The following PCDHGA12 variants were observed in gnomAD, a reference collection of about 807,000 sequenced individuals.
PCDHGA12 encodes the protein protocadherin gamma subfamily A, 12, also known as protocadherin gamma-A12.
A neutral mutation model predicts 61.1 loss-of-function variants in PCDHGA12; 43 were observed. That is an observed-to-expected ratio of 0.70 (90% CI 0.55 to 0.91). The LOEUF is 0.91. PCDHGA12 is among the 40% of genes least tolerant of loss of function. PCDHGA12 has a pLI of 0.00. For synonymous variants in PCDHGA12, 520 were observed against 542.9 expected, an observed-to-expected ratio of 0.96 and a Z score of 0.59; for missense variants, 1,236 against 1,227.7, an observed-to-expected ratio of 1.01 and a Z score of -0.10.
rs2099068970 is a variant in PCDHGA12 at position 141,463,759 on chromosome 5, T to C, written c.2424+30576T>C. 2.0e-5 allele frequency among the ~76,000 whole-genome samples: 3 copies of C among 152,234 alleles called. No homozygotes were observed. The South Asian group carries it at 6.2e-4, about 32-fold the overall frequency. ...CCGCGCCCGGCCTGCTTCTCTTCTCTTATGGGTTAGAATCCTGCACTGTCT... is the reference window on the plus strand; with the variant it reads ...CCGCGCCCGGCCTGCTTCTCTTCTCCTATGGGTTAGAATCCTGCACTGTCT... On this transcript the variant is annotated intron_variant, in intron 1 of 3. Transcript: ENST00000252085.
chr5:141,505,348 G>C, intron 2 of PCDHGA12, 45 bp from the exon 3 acceptor site: 1 of 1,613,358 alleles, frequency 6.2e-7, no homozygotes, highest in Non-Finnish European at 8.5e-7. Flanking sequence ...GGCATGAGCT[G>C]TGCCGGCCTG....
chr5:141,496,980 G>T (rs186715298), intron 2 of PCDHGA12, among the ~76,000 whole-genome samples: 1 of 151,974 alleles, frequency 6.6e-6, no homozygotes, highest in Admixed American at 6.6e-5. Flanking sequence ...GAGGTCAGGG[G>T]TTTGAGACCA....
At chr5:141,443,448 T>C (rs1205977008) in intron 1 of PCDHGA12, among the ~76,000 whole-genome samples, 1 of 152,210 alleles carries the variant, frequency 6.6e-6, no homozygotes, top group African/African-American at 2.4e-5. Context: ...GTTGCGCTCC[T>C]GTACTCCAGT....
intron 1 of PCDHGA12, among the ~76,000 whole-genome samples, chr5:141,447,728 A>G (rs2098549955): frequency 6.6e-6 from 1 of 152,204 alleles, no homozygotes; most frequent in Non-Finnish European, 1.5e-5. Flanking sequence ...TCCAAAACTC[A>G]TTGAACTTAA....
intron 2 of PCDHGA12, 99 bp downstream of exon 2, chr5:141,494,964 G>A (rs2099757882): frequency 1.3e-6 from 2 of 1,594,380 alleles, no homozygotes; most frequent in Non-Finnish European, 8.5e-7. Context: ...GCTACAGATG[G>A]CTTCTCCCTC....
Position 141,489,088 on chromosome 5 carries a change from G to GCCA in PCDHGA12, c.2425-5719_2425-5718insCCA. ...CCCCTGCCCACCCCCGCCACTCGGTGACTAAGAACTGCTGCAAGCAGGCAA... is the reference window on the plus strand; with the variant it reads ...CCCCTGCCCACCCCCGCCACTCGGTGCCAACTAAGAACTGCTGCAAGCAGGCAA... On this transcript the variant is annotated intron_variant, in intron 1 of 3. Coordinates refer to ENST00000252085, the MANE Select transcript of PCDHGA12 (RefSeq NM_003735.3). This position sits in a 1 kb window ranked among gnomAD's most constrained non-coding sequence, Gnocchi z 4.5. The GCCA allele has an allele frequency of 2.9e-6, 1 of 347,238 alleles. No individual in the cohort carries two copies. 21.5% of individuals were successfully genotyped at this position (347,238 alleles called of 1,614,324 possible). A position where few individuals can be genotyped will look rare whatever the true frequency, so the allele number is the denominator to read the frequency against.
rs751560177 is a variant in PCDHGA12 at position 141,432,962 on chromosome 5, G to T, written c.2203G>T (p.Ala735Ser). 7 of 1,614,092 alleles carry T rather than the reference G, an allele frequency of 4.3e-6. No individual in the cohort carries two copies. The highest frequency in any genetic ancestry group is 5.9e-6 in the Non-Finnish European group (7 of 1,180,046). Reference sequence around the variant, plus strand: ...GGCTTCAGGAGGCGGCTTGACAGGAGCGCCGGCGTCGCACTTTGTGGGCGT... The same window carrying T: ...GGCTTCAGGAGGCGGCTTGACAGGATCGCCGGCGTCGCACTTTGTGGGCGT... ...LQASGGGLTG[A>S]PASHFVGVDG... The change falls in exon 1 of 4, where the codon GCG becomes TCG. Residue 735 changes from alanine (A) to serine (S), a missense_variant. Physicochemically the swap from Ala to Ser is moderately conservative, Grantham distance 99. Transcript: ENST00000252085. The surrounding 1 kb of genome is among the most constrained non-coding windows in gnomAD (Gnocchi z 6.0).
intron 2 of PCDHGA12, among the ~76,000 whole-genome samples, chr5:141,502,537 G>A (rs900570745): frequency 2.0e-5 from 3 of 152,042 alleles, no homozygotes; most frequent in Admixed American, 6.6e-5. Context: ...GTTTGTTCGT[G>A]TGGTAAAAAC....
rs764070772 is a variant in PCDHGA12, at chr5:141,476,415, C to T, written c.2425-18392C>T. ...CTGGATCGAGAGGAGCTGTGTGGGACACTGCCCTCTTGCACTGTAACTCTG... is the reference window on the plus strand; with the variant it reads ...CTGGATCGAGAGGAGCTGTGTGGGATACTGCCCTCTTGCACTGTAACTCTG... On this transcript the variant is annotated intron_variant, in intron 1 of 3. Transcript: ENST00000252085. This position sits in a 1 kb window ranked among gnomAD's most constrained non-coding sequence, Gnocchi z 7.6. 2.5e-6 allele frequency: 4 copies of T among 1,614,098 alleles called. No homozygotes were observed. The South Asian group carries it at 4.4e-5, about 18-fold the overall frequency.
chr5:141,430,741 A>T lies in PCDHGA12; in HGVS notation c.-19A>T, dbSNP rs370226249. On this transcript the variant is annotated 5_prime_UTR_variant, in exon 1 of 4. Transcript: ENST00000252085. ...GTGGTTAAGGGCAGAATTGAAAATA[A>T]TTCTGGAGGAAGATAAGAATGATTC... 6.7e-6 allele frequency: 10 copies of T among 1,498,900 alleles called. No homozygotes were observed. Among genetic ancestry groups the T allele is most frequent in the Non-Finnish European group, 8.9e-6 (10 of 1,125,892 alleles). The allele number at this position is 1,498,900 out of a possible 1,614,324, so 92.9% of individuals were successfully genotyped here.
Position 141,487,315 on chromosome 5 carries a change from G to T in PCDHGA12, c.2425-7492G>T, listed in dbSNP as rs568326280. 11 of 1,614,166 alleles carry T rather than the reference G, an allele frequency of 6.8e-6. No individual in the cohort carries two copies. In the South Asian group the frequency reaches 1.2e-4, roughly 18 times the overall value. ...GCTCATTCGTGGCACTACTCTCTAA[G>T]TGTCTTCGTGGGGCAGCCTGTGGAG... On this transcript the variant is annotated intron_variant, in intron 1 of 3. Transcript: ENST00000252085. The surrounding 1 kb of genome is among the most constrained non-coding windows in gnomAD (Gnocchi z 5.0).
chr5:141,497,877 G>C (rs1057284578), intron 2 of PCDHGA12, among the ~76,000 whole-genome samples: 6 of 152,148 alleles, frequency 3.9e-5, no homozygotes, highest in Admixed American at 2.6e-4. Context: ...AGTGAAATAA[G>C]CGTTAGGATC....
chr5:141,486,030 C>A lies in PCDHGA12; in HGVS notation c.2425-8777C>A. The A allele has an allele frequency of 6.2e-7, 1 of 1,614,164 alleles. No homozygotes were observed. The highest frequency in any genetic ancestry group is 8.5e-7 in the Non-Finnish European group (1 of 1,180,012). ...ACCTTTTATTTCAGTGGTCATACCC[C>A]TGATCGTGTAAGAAACCTCTTTAGC... On this transcript the variant is annotated intron_variant, in intron 1 of 3. Coordinates refer to ENST00000252085, the MANE Select transcript of PCDHGA12 (RefSeq NM_003735.3). The surrounding 1 kb of genome is among the most constrained non-coding windows in gnomAD (Gnocchi z 5.0).
At chr5:141,473,470 A>G (rs555568617) in intron 1 of PCDHGA12, among the ~76,000 whole-genome samples, 2 of 151,816 alleles carry the variant, frequency 1.3e-5, no homozygotes, top group South Asian at 4.2e-4. Flanking sequence ...AGTTGTGCCA[A>G]GTTCAATGGA....
At chr5:141,507,798 GCCCT>G (rs2099863561) in intron 3 of PCDHGA12, among the ~76,000 whole-genome samples, 1 of 152,188 alleles carries the variant, frequency 6.6e-6, no homozygotes, top group Admixed American at 6.5e-5. Context: ...CTAAGCCTGC[GCCCT>G]GGGGAACGGA....
intron 1 of PCDHGA12, among the ~76,000 whole-genome samples, chr5:141,461,978 C>T (rs888687367): frequency 2.6e-5 from 4 of 152,216 alleles, no homozygotes; most frequent in African/African-American, 9.6e-5. Flanking sequence ...CATATGCCAC[C>T]ACGCCAGGCT....
intron 1 of PCDHGA12, among the ~76,000 whole-genome samples, chr5:141,443,772 C>T (rs1284723564): frequency 6.6e-6 from 1 of 151,568 alleles, no homozygotes; most frequent in Non-Finnish European, 1.5e-5. Context: ...TACAATATTA[C>T]CAAAAAGACA....
intron 1 of PCDHGA12, among the ~76,000 whole-genome samples, chr5:141,483,834 A>G (rs2154580001): frequency 6.6e-6 from 1 of 152,212 alleles, no homozygotes; most frequent in South Asian, 2.1e-4. Flanking sequence ...CTAGGTAAGG[A>G]CTTGGTTGAA....
At chr5:141,474,133 C>T (rs35162249) in intron 1 of PCDHGA12, among the ~76,000 whole-genome samples, 9,247 of 152,260 alleles carry the variant, frequency 0.061, 334 homozygotes, top group South Asian at 0.12. Flanking sequence ...CAGAAAACTA[C>T]AGGCCTTATT....
Sources: gnomAD v4.1 joint callset for allele counts (sites outside exome capture counted in the v4.1 genomes callset) on GRCh38, gnomAD v4.1.1 for gene constraint, Gnocchi (gnomAD v3.1) non-coding constraint, MANE v1.5 for transcripts, NCBI Gene and HGNC (gene_info 2026-07-23, HGNC 2026-07-21) for gene names.